NBEAL2: variants seen among roughly 807,000 people sequenced by gnomAD.
The protein encoded by NBEAL2 is neurobeachin like 2.
A neutral mutation model predicts 299.8 loss-of-function variants in NBEAL2; 160 were observed. The ratio of observed to expected loss-of-function variants is 0.53; its 90% CI spans 0.47 to 0.61. The LOEUF (loss-of-function observed/expected upper bound fraction) is 0.61. NBEAL2 is among the 20% of genes least tolerant of loss of function. The pLI is 0.00. For missense variants in NBEAL2, 3,112 were observed against 3,649.0 expected (o/e 0.85, Z 3.79); for synonymous variants, 1,493 against 1,542.3 (o/e 0.97, Z 0.75).
chr3:46,988,107 G>A lies in NBEAL2; in HGVS notation c.52-562G>A, dbSNP rs376138846. On this transcript the variant is annotated intron_variant, in intron 1 of 53. Transcript: ENST00000450053. This position sits in a 1 kb window ranked among gnomAD's most constrained non-coding sequence, Gnocchi z 4.4. ...CCAGCAAGGGTGGGTGGAGGTTCCC[G>A]GGGCAAGGCAGGGCCGCACATGAGG... 786 of 1,193,390 alleles carry A rather than the reference G, an allele frequency of 6.6e-4. 6 individuals are homozygous for A. In the South Asian group the frequency reaches 1.0e-2, roughly 15 times the overall value. 73.9% of individuals were successfully genotyped at this position (1,193,390 alleles called of 1,614,324 possible).
chr3:47,003,739 G>A lies in NBEAL2; in HGVS notation c.5721-77G>A, dbSNP rs1240110263. ...GAGAGTATATACCCCATGACTCAATGGCACTTGGATGCCCTTTGGGCTTGT... is the reference window on the plus strand; with the variant it reads ...GAGAGTATATACCCCATGACTCAATAGCACTTGGATGCCCTTTGGGCTTGT... On this transcript the variant is annotated intron_variant, in intron 35 of 53. Coordinates refer to ENST00000450053, the MANE Select transcript of NBEAL2 (RefSeq NM_015175.3). This position sits in a 1 kb window ranked among gnomAD's most constrained non-coding sequence, Gnocchi z 7.0. 2.0e-6 allele frequency: 3 copies of A among 1,484,118 alleles called. No individual in the cohort carries two copies. Among genetic ancestry groups the A allele is most frequent in the Non-Finnish European group, 2.7e-6 (3 of 1,109,564 alleles). The allele number at this position is 1,484,118 out of a possible 1,614,324, so 91.9% of individuals were successfully genotyped here. A position where few individuals can be genotyped will look rare whatever the true frequency, so the allele number is the denominator to read the frequency against.
At position 46,995,708 on chromosome 3, in the gene NBEAL2, C is replaced by A. The variant is rs775271035; in HGVS notation, c.1899-6C>A. ...AAGCAGACATAACTGGCTTGCCTGC[C>A]CCCAGCTTCTTTACCAGCAGCGGCT... is the stretch of plus-strand genomic sequence containing the variant. On this transcript the variant is annotated splice_region_variant and splice_polypyrimidine_tract_variant and intron_variant, in intron 13 of 53. Coordinates refer to ENST00000450053, the MANE Select transcript of NBEAL2 (RefSeq NM_015175.3). The A allele has an allele frequency of 6.2e-7, 1 of 1,613,014 alleles. No homozygotes were observed. Among genetic ancestry groups the A allele is most frequent in the East Asian group, 2.2e-5 (1 of 44,884 alleles).
chr3:47,009,075 G>C lies in NBEAL2; in HGVS notation c.8114G>C (p.Gly2705Ala). 6.2e-7 allele frequency: 1 copy of C among 1,602,264 alleles called. No homozygotes were observed. The change falls in exon 53 of 54, where the codon GGC becomes GCC. Residue 2705 changes from glycine (G) to alanine (A), a missense_variant. Around this residue, in one of 3 missense-constraint regions of NBEAL2, gnomAD observed 348 missense variants for 381.4 expected, o/e 0.91. Transcript: ENST00000450053. ...VTKERSHVLV[G>A]LEDGKLIVVV... ...AAGGAGCGCAGCCACGTGCTGGTGG[G>C]CCTGGAGGATGGCAAGCTCATCGTG...
chr3:46,989,649 T>C lies in NBEAL2; in HGVS notation c.556+56T>C. 1.4e-6 allele frequency: 2 copies of C among 1,453,888 alleles called. No individual in the cohort carries two copies. The highest frequency in any genetic ancestry group is 9.4e-7 in the Non-Finnish European group (1 of 1,060,554). 90.1% of individuals were successfully genotyped at this position (1,453,888 alleles called of 1,614,324 possible). A position where few individuals can be genotyped will look rare whatever the true frequency, so the allele number is the denominator to read the frequency against. On this transcript the variant is annotated intron_variant, in intron 6 of 53. Transcript: ENST00000450053. This position sits in a 1 kb window ranked among gnomAD's most constrained non-coding sequence, Gnocchi z 5.5. ...CCACCCCCAAACCTAGGCCCCTTCC[T>C]GTCGTTCCTTGATCCTGCCATACAC... is the stretch of plus-strand genomic sequence containing the variant.
Position 47,007,356 on chromosome 3 carries a change from A to G in NBEAL2, c.7334+6A>G. 1 of 1,599,158 alleles carries G rather than the reference A, an allele frequency of 6.3e-7. No individual in the cohort carries two copies. Among genetic ancestry groups the G allele is most frequent in the Non-Finnish European group, 8.5e-7 (1 of 1,172,742 alleles). ...CCCACCATGGGCAGCCACAAGTAGG[A>G]CAGAGGGCTGTGGGTGGGGTGGGCT... On this transcript the variant is annotated splice_donor_region_variant and intron_variant, in intron 47 of 53. Transcript: ENST00000450053.
intron 26 of NBEAL2, 56 bp from the exon 27 acceptor site, chr3:46,999,833 G>A (rs2036824144): frequency 1.3e-6 from 2 of 1,598,638 alleles, no homozygotes; most frequent in Admixed American, 3.4e-5. Flanking sequence ...GGCCCTGGAT[G>A]AGGGTCTGGA....
Position 46,993,941 on chromosome 3 carries a change from T to C in NBEAL2, c.1118T>C (p.Leu373Pro). 6.2e-7 allele frequency: 1 copy of C among 1,610,300 alleles called. No individual in the cohort carries two copies. The highest frequency in any genetic ancestry group is 2.2e-5 in the East Asian group (1 of 44,772). Residue 373 changes from leucine to proline, a missense_variant, in exon 11 of 54, where the codon CTG becomes CCG. Transcript: ENST00000450053. ...ATGGCCCCTCCCCACCCCAAGGTCCTGGACCAAGACACAGACGCCATTGCA... is the reference window on the plus strand; with the variant it reads ...ATGGCCCCTCCCCACCCCAAGGTCCCGGACCAAGACACAGACGCCATTGCA... ...LLTEPDVQKV[L>P]DQDTDAIAVH...
Position 47,004,502 on chromosome 3 carries a change from T to C in NBEAL2, c.6206T>C (p.Val2069Ala). The C allele has an allele frequency of 6.2e-7, 1 of 1,613,612 alleles. No homozygotes were observed. The highest frequency in any genetic ancestry group is 8.5e-7 in the Non-Finnish European group (1 of 1,179,722). The change falls in exon 38 of 54, where the codon GTA (valine) becomes GCA (alanine). Residue 2069 changes from valine (V) to alanine (A), a missense_variant. Physicochemically the swap from Val to Ala is moderately conservative, Grantham distance 64. Around this residue, in one of 3 missense-constraint regions of NBEAL2, gnomAD observed 521 missense variants for 729.6 expected, o/e 0.71. Transcript: ENST00000450053. This position sits in a 1 kb window ranked among gnomAD's most constrained non-coding sequence, Gnocchi z 5.0. ...GTCTGCCCCTGTCCCCAGAAATGGG[T>C]ACAGCGTGAGATATCCAACTTCGAG... is the stretch of plus-strand genomic sequence containing the variant. ...LRASGLTQKW[V>A]QREISNFEYL...
chr3:46,979,724 A>G lies in NBEAL2; in HGVS notation c.-138A>G. On this transcript the variant is annotated 5_prime_UTR_variant, in exon 1 of 54. Coordinates refer to ENST00000450053, the MANE Select transcript of NBEAL2 (RefSeq NM_015175.3). ...TCTGCGCCGCGGAGGCCACAGCCGCAGACTTCCCCAGTAGTACCGCGCCGC... is the reference window on the plus strand; with the variant it reads ...TCTGCGCCGCGGAGGCCACAGCCGCGGACTTCCCCAGTAGTACCGCGCCGC... 6.5e-6 allele frequency: 2 copies of G among 309,504 alleles called. No individual in the cohort carries two copies. The highest frequency in any genetic ancestry group is 1.2e-5 in the Non-Finnish European group (2 of 168,150). The allele number at this position is 309,504 out of a possible 1,614,324, so 19.2% of individuals were successfully genotyped here.
rs775363728 is a variant in NBEAL2, at chr3:47,008,189, G to A, written c.7719+3G>A. On this transcript the variant is annotated splice_donor_region_variant and intron_variant, in intron 50 of 53. Coordinates refer to ENST00000450053, the MANE Select transcript of NBEAL2 (RefSeq NM_015175.3). ...ACATGGCTGTGTCTGGATCTGAGGTGTGTGTATGCATGTGCCCTGGGGAGG... is the reference window on the plus strand; with the variant it reads ...ACATGGCTGTGTCTGGATCTGAGGTATGTGTATGCATGTGCCCTGGGGAGG... 2 of 1,613,970 alleles carry A rather than the reference G, an allele frequency of 1.2e-6. No individual in the cohort carries two copies. Among genetic ancestry groups the A allele is most frequent in the South Asian group, 2.2e-5 (2 of 91,074 alleles).
chr3:46,990,681 G>A (rs2036016194), intron 6 of NBEAL2, among the ~76,000 whole-genome samples: 1 of 152,250 alleles, frequency 6.6e-6, no homozygotes, highest in African/African-American at 2.4e-5. Context: ...CTGGCATCCT[G>A]TCCAGTTTTG....
Position 46,989,692 on chromosome 3 carries a change from G to C in NBEAL2, c.556+99G>C. ...CCATACACAGGAACCACTTGGTGGT[G>C]GCTGCATGCAGGACTGGGAGAACCA... is the stretch of plus-strand genomic sequence containing the variant. On this transcript the variant is annotated intron_variant, in intron 6 of 53. Coordinates refer to ENST00000450053, the MANE Select transcript of NBEAL2 (RefSeq NM_015175.3). The surrounding 1 kb of genome is among the most constrained non-coding windows in gnomAD (Gnocchi z 5.5). 9.2e-7 allele frequency: 1 copy of C among 1,090,832 alleles called. No individual in the cohort carries two copies. The highest frequency in any genetic ancestry group is 1.4e-6 in the Non-Finnish European group (1 of 729,700). The allele number at this position is 1,090,832 out of a possible 1,614,324, so 67.6% of individuals were successfully genotyped here.
At position 47,009,345 on chromosome 3, in the gene NBEAL2, C is replaced by A; in HGVS notation, c.*25C>A. 1 of 1,560,200 alleles carries A rather than the reference C, an allele frequency of 6.4e-7. No individual in the cohort carries two copies. Among genetic ancestry groups the A allele is most frequent in the South Asian group, 1.2e-5 (1 of 84,854 alleles). ...AACCTGGCCAGTCCGGCTGCTCGGG[C>A]CCCGCCCCCGGCAGGCCTGGCCCGG... On this transcript the variant is annotated 3_prime_UTR_variant, in exon 54 of 54. Transcript: ENST00000450053.
intron 12 of NBEAL2, 40 bp from the exon 13 acceptor site, chr3:46,994,992 G>A (rs955881178): frequency 1.3e-6 from 2 of 1,501,462 alleles, no homozygotes; most frequent in Non-Finnish European, 1.8e-6. Context: ...TTGACAGGGT[G>A]CCACAGCTGA....
chr3:46,995,901 A>G, intron 14 of NBEAL2, 31 bp from the exon 15 acceptor site: 3 of 1,613,158 alleles, frequency 1.9e-6, no homozygotes, highest in Non-Finnish European at 2.5e-6. Flanking sequence ...CTGAGTCCCA[A>G]GTATGGCCTA....
intron 10 of NBEAL2, among the ~76,000 whole-genome samples, chr3:46,993,000 A>T (rs1440798440): frequency 1.3e-5 from 2 of 152,160 alleles, no homozygotes; most frequent in East Asian, 1.9e-4. Context: ...TTCACCTTGC[A>T]TGTGGGCTGT....
rs2107382424 is a variant in NBEAL2 at position 46,999,902 on chromosome 3, T to C, written c.3803T>C (p.Ile1268Thr). Reference protein sequence around the residue: ...LDICRQLFHLIYGQPDVVRLL... With the variant: ...LDICRQLFHLTYGQPDVVRLL... ...TCTCGCCTGCAGCTTTTCCACCTCATCTACGGACAGCCAGATGTAGTGCGG... is the reference window on the plus strand; with the variant it reads ...TCTCGCCTGCAGCTTTTCCACCTCACCTACGGACAGCCAGATGTAGTGCGG... The change falls in exon 27 of 54, where the codon ATC becomes ACC. Residue 1268 changes from isoleucine to threonine, a missense_variant. By Grantham distance (89) the Ile-to-Thr change is moderately conservative (BLOSUM62 -1). Around this residue, in one of 3 missense-constraint regions of NBEAL2, gnomAD observed 2,243 missense variants for 2,538.1 expected, o/e 0.88. Transcript: ENST00000450053. The C allele has an allele frequency of 1.2e-6, 2 of 1,606,052 alleles. No individual in the cohort carries two copies. The highest frequency in any genetic ancestry group is 4.5e-5 in the East Asian group (2 of 44,670).
Position 46,995,820 on chromosome 3 carries a change from G to T in NBEAL2, c.2005G>T (p.Glu669Ter). The T allele has an allele frequency of 6.2e-7, 1 of 1,613,842 alleles. No homozygotes were observed. Among genetic ancestry groups the T allele is most frequent in the Non-Finnish European group, 8.5e-7 (1 of 1,179,868 alleles). ...GGAGTATTTGACCATGAGTTTGCCC[G>T]AAGTGTCCTTTGCCGACTCTGCCTG... ...RKEYLTMSLP[E>*]VSFADSAWHC... Residue 669 changes from glutamate to a stop codon, truncating the protein, a stop_gained, in exon 14 of 54, where the codon GAA becomes TAA. Transcript: ENST00000450053. LOFTEE classifies it high-confidence loss of function.
rs1203437621 is a variant in NBEAL2 at position 46,995,746 on chromosome 3, CCTT to C, written c.1936_1938del (p.Phe646del). On this transcript the variant is annotated inframe_deletion, in exon 14 of 54. Transcript: ENST00000450053. ...ACCAGCAGCGGCTCAGGGTTTGAGG[CCTT>C]CTTCACGGCGGCCGGGACCCTGGTG... is the stretch of plus-strand genomic sequence containing the variant. 6.2e-7 allele frequency: 1 copy of C among 1,613,604 alleles called. No homozygotes were observed. The highest frequency in any genetic ancestry group is 1.7e-5 in the Admixed American group (1 of 59,994).
Sources: allele counts gnomAD v4.1 joint callset (sites outside exome capture counted in the v4.1 genomes callset), GRCh38; gene constraint gnomAD v4.1.1; regional missense constraint gnomAD v4.1.1; non-coding constraint Gnocchi (gnomAD v3.1); transcripts MANE v1.5; gene names NCBI Gene and HGNC (gene_info 2026-07-23, HGNC 2026-07-21).